RPS6KC1: variants seen among roughly 807,000 people sequenced by gnomAD.
RPS6KC1 encodes the protein ribosomal protein S6 kinase C1, also known as inactive ribosomal protein S6 kinase delta-1.
RPS6KC1 carries 54 observed loss-of-function variants against 103.8 expected under a neutral mutation model. The observed-to-expected ratio is 0.52, with a 90% CI of 0.42 to 0.65. The LOEUF is 0.65. Ranked by LOEUF, RPS6KC1 falls within the 30% of genes least tolerant of loss-of-function variation. RPS6KC1 has a pLI of 0.00. For synonymous variants in RPS6KC1, 439 were observed against 438.7 expected (o/e 1.00, Z -0.01); for missense variants, 1,151 against 1,253.8 (o/e 0.92, Z 1.24).
the RPS6KC1 span, among the ~76,000 whole-genome samples, chr1:213,531,158 A>T: frequency 1.3e-5 from 2 of 152,246 alleles, no homozygotes; most frequent in African/African-American, 4.8e-5. Context: ...TGCCTTTTAG[A>T]AAGGGAACCC....
the RPS6KC1 span, among the ~76,000 whole-genome samples, chr1:213,736,395 T>C: frequency 2.6e-5 from 4 of 152,172 alleles, no homozygotes; most frequent in South Asian, 6.2e-4. Context: ...GGAGAGTCCT[T>C]GCTTTTTGTG....
chr1:213,219,207 C>G (rs991851910), intron 8 of RPS6KC1, among the ~76,000 whole-genome samples: 3 of 152,192 alleles, frequency 2.0e-5, no homozygotes, highest in African/African-American at 7.2e-5. Context: ...AGGATATGAA[C>G]AGACACTTTT....
the RPS6KC1 span, among the ~76,000 whole-genome samples, chr1:213,554,814 A>T: frequency 6.6e-6 from 1 of 152,148 alleles, no homozygotes; most frequent in South Asian, 2.1e-4. Context: ...TCCTTTTAGA[A>T]CATACTCTAG....
chr1:213,586,889 G>A, the RPS6KC1 span, among the ~76,000 whole-genome samples: 10 of 152,308 alleles, frequency 6.6e-5, no homozygotes, highest in South Asian at 1.7e-3. Context: ...CTTTTGGGCT[G>A]TAGAAGAAGG....
At chr1:213,635,554 G>A in the RPS6KC1 span, among the ~76,000 whole-genome samples, 1 of 152,160 alleles carries the variant, frequency 6.6e-6, no homozygotes, top group Non-Finnish European at 1.5e-5. Context: ...AAAGGCCTTT[G>A]TCAAAATTCA....
the RPS6KC1 span, among the ~76,000 whole-genome samples, chr1:213,290,056 A>G: frequency 6.7e-6 from 1 of 149,028 alleles, no homozygotes; most frequent in African/African-American, 2.5e-5. Context: ...GAGGCAGGAG[A>G]ATGGTGTGGA....
At chr1:213,539,017 A>C in the RPS6KC1 span, among the ~76,000 whole-genome samples, 1 of 152,220 alleles carries the variant, frequency 6.6e-6, no homozygotes. Context: ...TGACTAAAGG[A>C]CACAGCCGTT....
the RPS6KC1 span, among the ~76,000 whole-genome samples, chr1:213,397,167 G>A: frequency 2.6e-5 from 4 of 152,106 alleles, no homozygotes; most frequent in African/African-American, 7.2e-5. Context: ...GTCCCACATC[G>A]TGGCTCATTC....
At chr1:213,791,793 A>G in the RPS6KC1 span, among the ~76,000 whole-genome samples, 1 of 152,194 alleles carries the variant, frequency 6.6e-6, no homozygotes, top group Non-Finnish European at 1.5e-5. Context: ...GACCAAGAGT[A>G]GTTAGTTATT....
At chr1:213,792,178 C>T in the RPS6KC1 span, among the ~76,000 whole-genome samples, 17 of 152,188 alleles carry the variant, frequency 1.1e-4, no homozygotes, top group African/African-American at 3.9e-4. Context: ...ATCACAGAGC[C>T]GTATGAAGAA....
At chr1:213,505,395 T>G in the RPS6KC1 span, among the ~76,000 whole-genome samples, 2 of 152,160 alleles carry the variant, frequency 1.3e-5, no homozygotes, top group Non-Finnish European at 2.9e-5. Flanking sequence ...TGTGCTGCCT[T>G]AGGGCCAGAT....
chr1:213,403,048 A>G, the RPS6KC1 span, among the ~76,000 whole-genome samples: 2 of 152,010 alleles, frequency 1.3e-5, no homozygotes, highest in East Asian at 3.9e-4. Flanking sequence ...GAATGGCGTG[A>G]ACCCGAGAGG....
chr1:213,742,721 C>A, the RPS6KC1 span, among the ~76,000 whole-genome samples: 1 of 152,248 alleles, frequency 6.6e-6, no homozygotes, highest in East Asian at 1.9e-4. Context: ...GAATGAGGCT[C>A]ATGCAATGCA....
chr1:213,598,915 CAAACAAAACA>C, the RPS6KC1 span, among the ~76,000 whole-genome samples: 1 of 152,002 alleles, frequency 6.6e-6, no homozygotes, highest in African/African-American at 2.4e-5. Context: ...GACTATGTCT[CAAACAAAACA>C]AAACAAAACA....
the RPS6KC1 span, among the ~76,000 whole-genome samples, chr1:213,716,743 G>A: frequency 1.3e-5 from 2 of 152,030 alleles, no homozygotes; most frequent in African/African-American, 4.8e-5. Flanking sequence ...TTACTTGGGA[G>A]CAGTGACTAT....
the RPS6KC1 span, among the ~76,000 whole-genome samples, chr1:213,602,094 T>TTCTTTCTTTCTTTCTTTCTTTCTTTC: frequency 2.8e-5 from 1 of 35,254 alleles, no homozygotes; most frequent in African/African-American, 1.5e-4. Flanking sequence ...CTTTCTTTCT[T>TTCTTTCTTTCTTTCTTTCTTTCTTTC]TCTTTCTTTC....
the RPS6KC1 span, among the ~76,000 whole-genome samples, chr1:213,718,278 T>C: frequency 6.6e-6 from 1 of 152,260 alleles, no homozygotes; most frequent in South Asian, 2.1e-4. Context: ...GCCCAGCAGC[T>C]GTGACTGCCC....
At chr1:213,172,173 T>G (rs1225320321) in intron 7 of RPS6KC1, among the ~76,000 whole-genome samples, 1 of 152,092 alleles carries the variant, frequency 6.6e-6, no homozygotes, top group African/African-American at 2.4e-5. Context: ...CACATAAAAT[T>G]TAAGAAGTAC....
chr1:213,846,976 T>A, the RPS6KC1 span, among the ~76,000 whole-genome samples: 1 of 152,186 alleles, frequency 6.6e-6, no homozygotes, highest in Non-Finnish European at 1.5e-5. Context: ...AAATGCTGTG[T>A]CCATGTATAA....
Sources: gnomAD v4.1 joint callset for allele counts (sites outside exome capture counted in the v4.1 genomes callset) on GRCh38, gnomAD v4.1.1 for gene constraint, MANE v1.5 for transcripts, NCBI Gene and HGNC (gene_info 2026-07-23, HGNC 2026-07-21) for gene names.